Variants in ELSPBP1 observed in about 807,000 individuals in gnomAD.
The protein encoded by ELSPBP1 is epididymal sperm-binding protein 1.
Under a neutral mutation model 33.3 loss-of-function variants are expected in ELSPBP1, and 38 were observed. The ratio of observed to expected loss-of-function variants is 1.14; its 90% confidence interval spans 0.88 to 1.50. The LOEUF (loss-of-function observed/expected upper bound fraction) is 1.50, where lower values mean the gene tolerates loss of function less well. ELSPBP1 is among the 40% of genes most tolerant of loss of function. The probability of loss-of-function intolerance (pLI) is 0.00; values close to 1 mark genes in which losing one functional copy is unlikely to be tolerated. For missense variants in ELSPBP1, 267 were observed against 263.5 expected, an observed-to-expected ratio of 1.01 and a Z score of -0.09; for synonymous variants, 85 against 94.1, an observed-to-expected ratio of 0.90 and a Z score of 0.56.
intron 1 of ELSPBP1, among the ~76,000 whole-genome samples, chr19:47,996,500 G>A (rs147500160): frequency 2.0e-5 from 3 of 152,210 alleles, no homozygotes; most frequent in Admixed American, 6.5e-5. Flanking sequence ...AAGGATGGGA[G>A]AATTGATAGA....
intron 6 of ELSPBP1, among the ~76,000 whole-genome samples, chr19:48,023,215 A>AGGAAGGAGGGAG (rs1455111993): frequency 7.6e-6 from 1 of 131,720 alleles, no homozygotes; most frequent in Non-Finnish European, 1.6e-5. Context: ...GAAGGAGGGA[A>AGGAAGGAGGGAG]GGAAGGAGGG....
intron 1 of ELSPBP1, among the ~76,000 whole-genome samples, chr19:48,001,346 A>AT (rs67597303): frequency 0.31 from 44,938 of 144,544 alleles, 7,000 homozygotes; most frequent in Admixed American, 0.37. Flanking sequence ...CACCCAGCTA[A>AT]TTTTTTTTTT....
At chr19:48,004,693 A>G (rs1966999882) in intron 1 of ELSPBP1, among the ~76,000 whole-genome samples, 1 of 151,554 alleles carries the variant, frequency 6.6e-6, no homozygotes, top group Admixed American at 6.6e-5. Flanking sequence ...TGTTCCTGAG[A>G]CTCGTCCACA....
chr19:48,019,666 A>AGCTCTT, intron 4 of ELSPBP1, 53 bp from the exon 5 acceptor site: 5 of 1,553,276 alleles, frequency 3.2e-6, no homozygotes, highest in Non-Finnish European at 4.4e-6. Flanking sequence ...CATAAATGGA[A>AGCTCTT]GCTCTTTTCA....
intron 3 of ELSPBP1, 23 bp downstream of exon 3, chr19:48,014,331 T>G: frequency 6.2e-7 from 1 of 1,609,926 alleles, no homozygotes; most frequent in Non-Finnish European, 8.5e-7. Flanking sequence ...ACATTGTCCC[T>G]GCCAGTGGCC....
intron 1 of ELSPBP1, among the ~76,000 whole-genome samples, chr19:48,004,378 A>C (rs1269449369): frequency 6.6e-6 from 1 of 152,050 alleles, no homozygotes; most frequent in African/African-American, 2.4e-5. Context: ...GGCTGGTCTC[A>C]AACTCCTAAG....
At chr19:48,018,240 C>T (rs1399979862) in intron 4 of ELSPBP1, among the ~76,000 whole-genome samples, 1 of 152,136 alleles carries the variant, frequency 6.6e-6, no homozygotes, top group Non-Finnish European at 1.5e-5. Flanking sequence ...CCAGGAAATT[C>T]GTGCCTGGGA....
chr19:48,008,660 C>T lies in ELSPBP1; in HGVS notation c.-8C>T, dbSNP rs1238781287. ...GTCTTCTTTTCCACAGAGAAGAGGG[C>T]AGCCAAGATGACCCGATGGTCCAGT... is the stretch of plus-strand genomic sequence containing the variant. On this transcript the variant is annotated 5_prime_UTR_variant, in exon 2 of 7. The change creates a premature stop within an existing upstream ORF in the 5' untranslated region. Coordinates refer to ENST00000339841, the MANE Select transcript of ELSPBP1 (RefSeq NM_022142.5). 1 of 1,613,218 alleles carries T rather than the reference C, an allele frequency of 6.2e-7. No homozygotes were observed. The highest frequency in any genetic ancestry group is 1.1e-5 in the South Asian group (1 of 90,972).
intron 1 of ELSPBP1, among the ~76,000 whole-genome samples, chr19:48,001,652 C>T (rs1600101127): frequency 6.6e-6 from 1 of 152,120 alleles, no homozygotes; most frequent in South Asian, 2.1e-4. Flanking sequence ...AAGTGATCCT[C>T]CTGCCTCAGC....
At chr19:48,016,493 T>C (rs1039205295) in intron 4 of ELSPBP1, among the ~76,000 whole-genome samples, 1 of 104,496 alleles carries the variant, frequency 9.6e-6, no homozygotes, top group African/African-American at 3.8e-5. Flanking sequence ...TCTTTCTTTC[T>C]TTCTTTCTTT....
chr19:48,018,131 T>C (rs1444574260), intron 4 of ELSPBP1, among the ~76,000 whole-genome samples: 1 of 152,166 alleles, frequency 6.6e-6, no homozygotes, highest in African/African-American at 2.4e-5. Context: ...TTCCTTTCTA[T>C]GGATAAGTGA....
chr19:48,001,383 A>G (rs892791135), intron 1 of ELSPBP1, among the ~76,000 whole-genome samples: 21 of 148,152 alleles, frequency 1.4e-4, no homozygotes, highest in Non-Finnish European at 2.1e-4. Context: ...TGGTTTCACC[A>G]TGTTGGCCAG....
chr19:48,007,713 G>C (rs1370626343), intron 1 of ELSPBP1, among the ~76,000 whole-genome samples: 1 of 152,192 alleles, frequency 6.6e-6, no homozygotes, highest in African/African-American at 2.4e-5. Flanking sequence ...GATTCATGGG[G>C]AGGATTTAAG....
chr19:48,004,747 G>C (rs916401163), intron 1 of ELSPBP1, among the ~76,000 whole-genome samples: 1 of 152,154 alleles, frequency 6.6e-6, no homozygotes, highest in African/African-American at 2.4e-5. Flanking sequence ...TGGTTTCTTC[G>C]CTTCATATCT....
At chr19:48,014,438 G>T in intron 3 of ELSPBP1, 130 bp downstream of exon 3, 1 of 968,376 alleles carries the variant, frequency 1.0e-6, no homozygotes, top group South Asian at 2.2e-5. Context: ...GCGTAGAAAA[G>T]GCTCTGGGTT....
chr19:48,023,809 T>C (rs1279666243), intron 6 of ELSPBP1, among the ~76,000 whole-genome samples: 1 of 152,066 alleles, frequency 6.6e-6, no homozygotes, highest in Non-Finnish European at 1.5e-5. Flanking sequence ...ACCAACTTTA[T>C]CCCTCTTTTC....
At chr19:47,996,680 G>C (rs1224446178) in intron 1 of ELSPBP1, among the ~76,000 whole-genome samples, 2 of 151,624 alleles carry the variant, frequency 1.3e-5, no homozygotes, top group Non-Finnish European at 2.9e-5. Flanking sequence ...AAGAAGAGTT[G>C]GTAAAGGGAT....
intron 4 of ELSPBP1, among the ~76,000 whole-genome samples, chr19:48,019,432 CT>C (rs137939366): frequency 0.014 from 2,191 of 152,258 alleles, 29 homozygotes; most frequent in Non-Finnish European, 0.024. Flanking sequence ...CTATTCGCAA[CT>C]CTTATCTTCC....
chr19:48,002,831 A>G (rs2122294533), intron 1 of ELSPBP1, among the ~76,000 whole-genome samples: 1 of 152,222 alleles, frequency 6.6e-6, no homozygotes, highest in Middle Eastern at 3.4e-3. Flanking sequence ...CTGTCTTCAT[A>G]AATAGTAATG....
Sources: allele counts gnomAD v4.1 joint callset (sites outside exome capture counted in the v4.1 genomes callset), GRCh38; gene constraint gnomAD v4.1.1; transcripts MANE v1.5; gene names NCBI Gene and HGNC (gene_info 2026-07-23, HGNC 2026-07-21).